Variants in BRDT observed in about 807,000 individuals in gnomAD.
BRDT encodes bromodomain testis-specific protein.
Under a neutral mutation model 113.9 loss-of-function variants are expected in BRDT, and 77 were observed. The observed-to-expected ratio is 0.68, with a 90% confidence interval of 0.56 to 0.82. BRDT has a LOEUF of 0.82. Among genes scored for constraint, BRDT ranks in the 40% least tolerant of loss-of-function variants. The pLI, the probability that BRDT is intolerant of heterozygous loss-of-function variation, is 0.00. For synonymous variants in BRDT, 358 were observed against 366.5 expected (o/e 0.98, Z 0.26); for missense variants, 1,027 against 1,105.4 (o/e 0.93, Z 1.01).
chr1:91,983,517 G>C (rs1415615652), intron 12 of BRDT, among the ~76,000 whole-genome samples: 1 of 152,120 alleles, frequency 6.6e-6, no homozygotes, highest in Non-Finnish European at 1.5e-5. Flanking sequence ...GCCTCCCAAA[G>C]TGCTGGGATG....
At position 91,953,029 on chromosome 1, in the gene BRDT, G is replaced by A. The variant is rs1260430599; in HGVS notation, c.-38+3347G>A. The stretch of plus-strand genomic sequence containing the variant: ...AGGTTTGTTACATATGTATACATGT[G>A]CCGTGTTGGTGTGCTGCACCCATTA... On this transcript the variant is annotated intron_variant, in intron 1 of 18. Coordinates refer to ENST00000399546, the MANE Select transcript of BRDT (RefSeq NM_207189.4). Among the ~76,000 whole-genome samples the A allele has an allele frequency of 3.9e-5, 6 of 152,066 alleles. No homozygotes were observed. In the South Asian group the frequency reaches 1.0e-3, roughly 26 times the overall value.
intron 4 of BRDT, among the ~76,000 whole-genome samples, chr1:91,974,709 T>A (rs1333189181): frequency 6.6e-6 from 1 of 152,212 alleles, no homozygotes; most frequent in Non-Finnish European, 1.5e-5. Flanking sequence ...TCAACCATTG[T>A]GGAAGTCAGT....
chr1:91,954,742 G>C (rs1321192935), intron 1 of BRDT, among the ~76,000 whole-genome samples: 1 of 152,102 alleles, frequency 6.6e-6, no homozygotes, highest in Non-Finnish European at 1.5e-5. Flanking sequence ...GATCACTTGA[G>C]AACCAAGAGT....
intron 12 of BRDT, among the ~76,000 whole-genome samples, chr1:91,987,205 G>A (rs6659119): frequency 0.98 from 148,916 of 152,210 alleles, 72,915 homozygotes; most frequent in East Asian, 1. Context: ...CAGGCATGAG[G>A]CACCACGCCT....
intron 12 of BRDT, among the ~76,000 whole-genome samples, chr1:91,987,932 C>G (rs1013516680): frequency 1.3e-5 from 2 of 152,076 alleles, no homozygotes; most frequent in Non-Finnish European, 2.9e-5. Flanking sequence ...TCACTGCAAC[C>G]TCTGCCTCCC....
chr1:91,953,017 A>G (rs1000649925), intron 1 of BRDT, among the ~76,000 whole-genome samples: 9 of 152,128 alleles, frequency 5.9e-5, no homozygotes, highest in Non-Finnish European at 1.0e-4. Flanking sequence ...TTTGTTACAT[A>G]TGTATACATG....
At position 91,968,151 on chromosome 1, in the gene BRDT, A is replaced by G. The variant is rs764775938; in HGVS notation, c.336A>G (p.Gly112=). The G allele has an allele frequency of 7.4e-6, 12 of 1,613,726 alleles. No individual in the cohort carries two copies. The East Asian group carries it at 2.5e-4, about 33-fold the overall frequency. Residue 112 remains glycine, a synonymous_variant, in exon 4 of 19, where the codon GGA becomes GGG. Coordinates refer to ENST00000399546, the MANE Select transcript of BRDT (RefSeq NM_207189.4). ...FSNCYLYNKP[G]DDIVLMAQAL... is the part of the protein sequence containing the mutation. ...ATATTTAATATATTTTGTAGCCTGG[A>G]GATGACATTGTTCTTATGGCACAAG...
At chr1:91,988,584 A>C (rs1471590593) in intron 12 of BRDT, among the ~76,000 whole-genome samples, 2 of 151,872 alleles carry the variant, frequency 1.3e-5, no homozygotes, top group African/African-American at 4.8e-5. Flanking sequence ...TATTTTTGGT[A>C]GGCGGGGGGT....
At position 91,992,319 on chromosome 1, in the gene BRDT, T is replaced by C; in HGVS notation, c.2115+5T>C. ...GGAAGAACAGGCGTCACACAGGTAA[T>C]GCTTAAAATGTGTTTTAAAGAACAG... On this transcript the variant is annotated splice_donor_5th_base_variant and intron_variant, in intron 14 of 18. Coordinates refer to ENST00000399546, the MANE Select transcript of BRDT (RefSeq NM_207189.4). The C allele has an allele frequency of 6.6e-7, 1 of 1,507,794 alleles. No homozygotes were observed. The highest frequency in any genetic ancestry group is 8.9e-7 in the Non-Finnish European group (1 of 1,124,592). The allele number at this position is 1,507,794 out of a possible 1,614,324, so 93.4% of individuals were successfully genotyped here.
chr1:92,008,361 T>A (rs1475349177), intron 18 of BRDT, among the ~76,000 whole-genome samples: 2 of 151,742 alleles, frequency 1.3e-5, no homozygotes, highest in African/African-American at 4.8e-5. Flanking sequence ...TTATTTGGCC[T>A]TTTTTTTCCA....
chr1:92,005,168 A>G lies in BRDT; in HGVS notation c.2644A>G (p.Asn882Asp). The G allele has an allele frequency of 6.4e-7, 1 of 1,552,740 alleles. No homozygotes were observed. The highest frequency in any genetic ancestry group is 8.6e-7 in the Non-Finnish European group (1 of 1,156,102). Residue 882 changes from asparagine (N) to aspartate (D), a missense_variant, in exon 18 of 19, where the codon AAC becomes GAC. Asn to Asp is a conservative substitution (Grantham distance 23, BLOSUM62 1). Coordinates refer to ENST00000399546, the MANE Select transcript of BRDT (RefSeq NM_207189.4). The part of the protein sequence containing the change: ...TVESFSNKIQ[N>D]KCSGEEQKEH... ...AGAATCTTTTTCAAATAAAATACAA[A>G]ACAAGTGCTCTGGAGAAGAGCAGAA...
intron 1 of BRDT, 31 bp from the exon 2 acceptor site, chr1:91,962,687 G>A (rs1001582009): frequency 9.2e-6 from 12 of 1,306,960 alleles, no homozygotes; most frequent in Non-Finnish European, 1.2e-5. Context: ...TTCCTAAAGT[G>A]CTTCTGAAGT....
intron 1 of BRDT, among the ~76,000 whole-genome samples, chr1:91,956,753 CAT>C (rs1166553253): frequency 7.9e-5 from 12 of 152,030 alleles, no homozygotes; most frequent in Non-Finnish European, 1.6e-4. Flanking sequence ...GTCTGGGAAA[CAT>C]AGTGAGACTC....
chr1:91,979,865 T>A, intron 8 of BRDT, 108 bp downstream of exon 8: 1 of 1,004,856 alleles, frequency 1.0e-6, no homozygotes, highest in Non-Finnish European at 1.4e-6. Context: ...TTCATAACTG[T>A]GGCTTTATTT....
chr1:91,960,441 C>CA (rs1186213897), intron 1 of BRDT, among the ~76,000 whole-genome samples: 2 of 152,078 alleles, frequency 1.3e-5, no homozygotes, highest in Non-Finnish European at 2.9e-5. Flanking sequence ...AAACCAATCA[C>CA]AAAAAAGATA....
At chr1:91,953,713 G>A (rs562618229) in intron 1 of BRDT, among the ~76,000 whole-genome samples, 9 of 152,112 alleles carry the variant, frequency 5.9e-5, no homozygotes, top group Non-Finnish European at 1.2e-4. Context: ...GAGAGTTATT[G>A]AGTGGGCAAG....
chr1:91,952,451 CTA>C (rs1217227909), intron 1 of BRDT, among the ~76,000 whole-genome samples: 2 of 151,976 alleles, frequency 1.3e-5, no homozygotes, highest in African/African-American at 2.4e-5. Flanking sequence ...CGGCTGAATG[CTA>C]TGAGTCCGCT....
At chr1:91,959,946 C>T (rs1353905987) in intron 1 of BRDT, among the ~76,000 whole-genome samples, 4 of 152,112 alleles carry the variant, frequency 2.6e-5, no homozygotes, top group Non-Finnish European at 5.9e-5. Context: ...AAACTGATTC[C>T]CAGGCGCTCT....
chr1:91,986,402 T>C (rs1685244938), intron 12 of BRDT, among the ~76,000 whole-genome samples: 1 of 152,228 alleles, frequency 6.6e-6, no homozygotes, highest in Non-Finnish European at 1.5e-5. Flanking sequence ...AGGAACTGTC[T>C]AAATATAAGC....
Sources: gnomAD v4.1 joint callset for allele counts (sites outside exome capture counted in the v4.1 genomes callset) on GRCh38, gnomAD v4.1.1 for gene constraint, MANE v1.5 for transcripts, NCBI Gene and HGNC (gene_info 2026-07-23, HGNC 2026-07-21) for gene names.